The following SRPK2 variants were observed in gnomAD, a reference collection of about 807,000 sequenced individuals.
The protein encoded by SRPK2 is SFRS protein kinase 2.
SRPK2 carries 21 observed loss-of-function variants against 90.8 expected under a neutral mutation model. The observed-to-expected ratio is 0.23, with a 90% CI of 0.16 to 0.33. The LOEUF is 0.33. Among genes scored for constraint, SRPK2 ranks in the 10% least tolerant of loss-of-function variants. SRPK2 has a pLI of 1.00. For synonymous variants in SRPK2, 288 were observed against 311.1 expected, an observed-to-expected ratio of 0.93 and a Z score of 0.78; for missense variants, 620 against 869.0, an observed-to-expected ratio of 0.71 and a Z score of 3.60.
At chr7:105,261,793 A>AT in intron 2 of SRPK2, among the ~76,000 whole-genome samples, 1 of 152,314 alleles carries the variant, frequency 6.6e-6, no homozygotes, top group East Asian at 1.9e-4. Flanking sequence ...AGTAGACCAA[A>AT]TGTCACTGAT....
upstream of SRPK2, chr7:105,389,434 G>C: frequency 8.4e-7 from 1 of 1,197,154 alleles, no homozygotes; most frequent in Non-Finnish European, 1.1e-6. Context: ...TGGGAAACCT[G>C]GGTCCGCGAT....
intron 11 of SRPK2, among the ~76,000 whole-genome samples, chr7:105,139,599 T>C (rs1803399135): frequency 6.6e-6 from 1 of 152,208 alleles, no homozygotes; most frequent in Non-Finnish European, 1.5e-5. Flanking sequence ...ATAAGTCTTA[T>C]GACTTGCCTG....
At chr7:105,182,753 C>G (rs777370095) in intron 3 of SRPK2, among the ~76,000 whole-genome samples, 7 of 152,140 alleles carry the variant, frequency 4.6e-5, no homozygotes, top group Non-Finnish European at 8.8e-5. Flanking sequence ...CAGGCGTGAG[C>G]CACAGTGCCT....
intron 2 of SRPK2, among the ~76,000 whole-genome samples, chr7:105,281,483 T>A (rs1691281058): frequency 6.6e-6 from 1 of 152,138 alleles, no homozygotes; most frequent in South Asian, 2.1e-4. Context: ...AAAGTTAAAT[T>A]TGCTCAAGAC....
At chr7:105,312,260 T>C (rs919463083) in intron 2 of SRPK2, among the ~76,000 whole-genome samples, 6 of 151,864 alleles carry the variant, frequency 4.0e-5, no homozygotes, top group African/African-American at 1.5e-4. Flanking sequence ...GACAATATAG[T>C]GAAACTACGT....
In SRPK2 at chr7:105,302,664, A is replaced by G. The variant is rs531212581; in HGVS notation, c.71+85984T>C. On this transcript the variant is annotated intron_variant, in intron 2 of 15. Coordinates refer to ENST00000393651, the MANE Select transcript of SRPK2 (RefSeq NM_182692.3). ...TGAACTGCTTCCCTTTAATAAATTA[A>G]TATCTATTTATATTTTTCTCTTGAT... Among the ~76,000 whole-genome samples the G allele has an allele frequency of 5.3e-5, 8 of 152,212 alleles. No homozygotes were observed. In the East Asian group the frequency reaches 1.2e-3, roughly 22 times the overall value.
chr7:105,339,154 A>G (rs1220732365), intron 2 of SRPK2, among the ~76,000 whole-genome samples: 6 of 152,204 alleles, frequency 3.9e-5, no homozygotes, highest in Non-Finnish European at 7.3e-5. Context: ...AGTCACAGAA[A>G]TTTGTTCTAA....
intron 2 of SRPK2, among the ~76,000 whole-genome samples, chr7:105,368,420 C>T (rs1819323166): frequency 1.3e-5 from 2 of 152,136 alleles, no homozygotes; most frequent in African/African-American, 4.8e-5. Context: ...AAGTAAGGTT[C>T]TTACAATAAT....
At chr7:105,295,752 G>C (rs1166687689) in intron 2 of SRPK2, among the ~76,000 whole-genome samples, 4 of 152,104 alleles carry the variant, frequency 2.6e-5, no homozygotes, top group Admixed American at 6.6e-5. Context: ...TCAAAAATGT[G>C]GTTAAGATGG....
At chr7:105,390,790 G>T (rs1822159158), upstream of SRPK2, among the ~76,000 whole-genome samples, 1 of 151,736 alleles carries the variant, frequency 6.6e-6, no homozygotes, top group Non-Finnish European at 1.5e-5. Flanking sequence ...TTATAACATT[G>T]ACTTTTTTGA....
intron 2 of SRPK2, among the ~76,000 whole-genome samples, chr7:105,387,836 G>A (rs1290058497): frequency 2.0e-5 from 3 of 152,206 alleles, no homozygotes; most frequent in Non-Finnish European, 4.4e-5. Context: ...GTGCGGTCTC[G>A]GAGCAGCTCT....
chr7:105,287,710 T>A (rs2130944030), intron 2 of SRPK2, among the ~76,000 whole-genome samples: 1 of 152,254 alleles, frequency 6.6e-6, no homozygotes, highest in East Asian at 1.9e-4. Context: ...CACTCTAGCC[T>A]GGATGACACA....
chr7:105,168,540 T>C (rs113141547), intron 4 of SRPK2, among the ~76,000 whole-genome samples: 19 of 152,136 alleles, frequency 1.2e-4, no homozygotes, highest in Admixed American at 1.0e-3. Flanking sequence ...TCCTTTAAAA[T>C]AGTACTTTTC....
chr7:105,372,169 T>C (rs577237945), intron 2 of SRPK2, among the ~76,000 whole-genome samples: 14 of 146,120 alleles, frequency 9.6e-5, no homozygotes, highest in African/African-American at 3.5e-4. Context: ...AAAAGTTCTC[T>C]AGAAAACCAT....
chr7:105,389,052 C>A (rs1207172796), upstream of SRPK2: 1 of 969,858 alleles, frequency 1.0e-6, no homozygotes, highest in Non-Finnish European at 1.2e-6. Flanking sequence ...CAGCGCCCCG[C>A]GCCCCCGCCC....
intron 2 of SRPK2, chr7:105,297,332 TG>T: frequency 6.2e-6 from 2 of 322,822 alleles, no homozygotes; most frequent in Non-Finnish European, 8.9e-6. Flanking sequence ...CACAGATCTG[TG>T]GTCCATAAAT....
At chr7:105,240,934 T>C (rs1405196297) in intron 2 of SRPK2, among the ~76,000 whole-genome samples, 1 of 152,224 alleles carries the variant, frequency 6.6e-6, no homozygotes, top group Non-Finnish European at 1.5e-5. Context: ...ATTGTTATTA[T>C]TCTGACTTCA....
chr7:105,283,297 G>A (rs1232312836), intron 2 of SRPK2, among the ~76,000 whole-genome samples: 1 of 151,830 alleles, frequency 6.6e-6, no homozygotes, highest in African/African-American at 2.4e-5. Flanking sequence ...TATACCCAAG[G>A]GAAATAAAAC....
chr7:105,199,044 A>G (rs1292758242), intron 3 of SRPK2, among the ~76,000 whole-genome samples: 2 of 152,212 alleles, frequency 1.3e-5, no homozygotes, highest in East Asian at 1.9e-4. Context: ...TGCTTTTGCA[A>G]TATCAGAACT....
Sources: allele counts gnomAD v4.1 joint callset (sites outside exome capture counted in the v4.1 genomes callset), GRCh38; gene constraint gnomAD v4.1.1; transcripts MANE v1.5; gene names NCBI Gene and HGNC (gene_info 2026-07-23, HGNC 2026-07-21).